The following GTF2H3 variants were observed in gnomAD, a reference collection of about 807,000 sequenced individuals.
GTF2H3 encodes the protein general transcription factor IIH subunit 3.
GTF2H3 carries 42 observed loss-of-function variants against 51.1 expected under a neutral mutation model. That is an observed-to-expected ratio of 0.82 (90% confidence interval 0.64 to 1.06). The LOEUF is 1.06. Ranked by LOEUF, GTF2H3 falls within the 50% of genes least tolerant of loss-of-function variation. GTF2H3 has a pLI of 0.00. For synonymous variants in GTF2H3, 123 were observed against 123.8 expected, an observed-to-expected ratio of 0.99 and a Z score of 0.04; for missense variants, 326 against 366.1, an observed-to-expected ratio of 0.89 and a Z score of 0.89.
intron 7 of GTF2H3, 35 bp from the exon 8 acceptor site, chr12:123,654,889 T>A: frequency 6.8e-7 from 1 of 1,461,360 alleles, no homozygotes; most frequent in Non-Finnish European, 9.6e-7. Flanking sequence ...GACTGGCATG[T>A]GCCTGGGTGG....
intron 7 of GTF2H3, among the ~76,000 whole-genome samples, chr12:123,654,622 G>A (rs1042015529): frequency 6.6e-6 from 1 of 151,736 alleles, no homozygotes; most frequent in African/African-American, 2.4e-5. Context: ...GGGGGCGTGT[G>A]TGTATTTTGG....
chr12:123,648,409 G>T, intron 4 of GTF2H3: 1 of 217,130 alleles, frequency 4.6e-6, no homozygotes, highest in Non-Finnish European at 8.9e-6. Context: ...CTCTATTTCT[G>T]GCTTTTCCTT....
Position 123,645,530 on chromosome 12 carries a change from C to A in GTF2H3, c.169C>A (p.Leu57Ile). 1 of 1,603,814 alleles carries A rather than the reference C, an allele frequency of 6.2e-7. No individual in the cohort carries two copies. The highest frequency in any genetic ancestry group is 8.5e-7 in the Non-Finnish European group (1 of 1,170,754). Residue 57 changes from leucine to isoleucine, a missense_variant, in exon 3 of 13, where the codon CTT (leucine) becomes ATT (isoleucine). Physicochemically the swap from Leu to Ile is conservative, Grantham distance 5. Coordinates refer to ENST00000543341, the MANE Select transcript of GTF2H3 (RefSeq NM_001516.5). Reference protein sequence around the residue: ...SHLFMNRSNKLAVIASHIQES... With the variant: ...SHLFMNRSNKIAVIASHIQES... ...TTTATTCATGAATCGTTCCAACAAA[C>A]TTGCTGTGATAGCAAGTCACATTCA...
rs779407881 is a variant in GTF2H3 at position 123,639,305 on chromosome 12, C to G, written c.55C>G (p.Pro19Ala). Residue 19 changes from proline (P) to alanine (A), a missense_variant, in exon 2 of 13, where the codon CCA becomes GCA. Transcript: ENST00000543341. Reference protein sequence around the residue: ...NLLVIVVDANPIWWGKQALKE... With the variant: ...NLLVIVVDANAIWWGKQALKE... ...TCTGGTTATTGTAGTTGATGCCAAC[C>G]CAATTTGGTGGGGAAAGCAAGCATT... 10 of 1,588,942 alleles carry G rather than the reference C, an allele frequency of 6.3e-6. No individual in the cohort carries two copies. Among genetic ancestry groups the G allele is most frequent in the Non-Finnish European group, 8.6e-6 (10 of 1,157,490 alleles).
chr12:123,654,854 A>G (rs1035490197), intron 7 of GTF2H3, 70 bp from the exon 8 acceptor site: 2 of 1,005,688 alleles, frequency 2.0e-6, no homozygotes, highest in Non-Finnish European at 3.2e-6. Context: ...GGTTCGCAGT[A>G]TATTGTGTGA....
rs1272065231 is a variant in GTF2H3 at position 123,662,173 on chromosome 12, C to A, written c.*1938C>A. 3.4e-5 allele frequency: 5 copies of A among 147,626 alleles called. No individual in the cohort carries two copies. The highest frequency in any genetic ancestry group is 2.7e-4 in the Admixed American group (4 of 14,800). The allele number at this position is 147,626 out of a possible 1,614,324, so 9.1% of individuals were successfully genotyped here. On this transcript the variant is annotated 3_prime_UTR_variant, in exon 13 of 13. Coordinates refer to ENST00000543341, the MANE Select transcript of GTF2H3 (RefSeq NM_001516.5). ...AAAAAAAAAGTCTGTACTGATAAAA[C>A]CCATTGTGTACAAAACTTTGTATGT...
intron 1 of GTF2H3, among the ~76,000 whole-genome samples, chr12:123,634,955 G>T (rs1390036627): frequency 6.6e-6 from 1 of 152,210 alleles, no homozygotes; most frequent in Non-Finnish European, 1.5e-5. Flanking sequence ...TGTGGCTGTT[G>T]TGTGGAAAAT....
chr12:123,655,919 G>A (rs1294460789), intron 9 of GTF2H3, 95 bp downstream of exon 9: 4 of 767,634 alleles, frequency 5.2e-6, no homozygotes, highest in South Asian at 1.7e-5. Context: ...GGTATATTGG[G>A]TTAAATAAAA....
chr12:123,654,506 ATGGGTGTATTT>A (rs918918596), intron 7 of GTF2H3, among the ~76,000 whole-genome samples: 13 of 140,088 alleles, frequency 9.3e-5, no homozygotes, highest in South Asian at 2.3e-4. Context: ...TATTTGGGGT[ATGGGTGTATTT>A]TGGGTGTGTA....
chr12:123,649,398 A>G (rs984301002), intron 4 of GTF2H3: 2 of 152,202 alleles, frequency 1.3e-5, no homozygotes, highest in African/African-American at 4.8e-5. Flanking sequence ...GCCATTAGAC[A>G]CCATAATATC....
chr12:123,651,882 C>G (rs1020742329), intron 5 of GTF2H3, among the ~76,000 whole-genome samples: 2 of 151,454 alleles, frequency 1.3e-5, no homozygotes, highest in Non-Finnish European at 2.9e-5. Flanking sequence ...AGTGAGAAAA[C>G]TCTAGCTTCT....
intron 1 of GTF2H3, among the ~76,000 whole-genome samples, chr12:123,636,723 G>T (rs1393588199): frequency 2.0e-5 from 3 of 152,206 alleles, no homozygotes. Flanking sequence ...TTCGAGACCA[G>T]CCTAACCAAC....
chr12:123,642,650 A>G (rs1241819781), intron 2 of GTF2H3, among the ~76,000 whole-genome samples: 6 of 152,218 alleles, frequency 3.9e-5, no homozygotes, highest in African/African-American at 1.4e-4. Context: ...CCAGTAAAAT[A>G]TAGAGGCTTT....
chr12:123,633,874 T>TG lies in GTF2H3; in HGVS notation c.13+3dup. The TG allele has an allele frequency of 1.2e-6, 2 of 1,613,350 alleles. No individual in the cohort carries two copies. Among genetic ancestry groups the TG allele is most frequent in the Non-Finnish European group, 1.7e-6 (2 of 1,179,972 alleles). ...CTGGGACAGCCATGGTTTCAGACGG[T>TG]GAGGACCCTGCAGGGCGGGACTTCG... On this transcript the variant is annotated splice_region_variant and intron_variant, in intron 1 of 12. Coordinates refer to ENST00000543341, the MANE Select transcript of GTF2H3 (RefSeq NM_001516.5).
chr12:123,656,334 T>TA (rs1391871674), intron 9 of GTF2H3, among the ~76,000 whole-genome samples: 1 of 152,236 alleles, frequency 6.6e-6, no homozygotes, highest in Non-Finnish European at 1.5e-5. Context: ...AAACCATACT[T>TA]ACACATTATG....
chr12:123,658,999 A>G (rs7303409), intron 9 of GTF2H3, among the ~76,000 whole-genome samples: 10,694 of 152,270 alleles, frequency 0.07, 516 homozygotes, highest in African/African-American at 0.13. Context: ...CAAAACCACA[A>G]TGAGCTATTA....
intron 1 of GTF2H3, among the ~76,000 whole-genome samples, chr12:123,634,703 C>T (rs886786033): frequency 6.6e-6 from 1 of 152,082 alleles, no homozygotes; most frequent in South Asian, 2.1e-4. Context: ...GGAGAGCTTG[C>T]GGGTAGAGGA....
At chr12:123,655,174 A>G (rs1955571597) in intron 8 of GTF2H3, among the ~76,000 whole-genome samples, 176 bp downstream of exon 8, 1 of 152,148 alleles carries the variant, frequency 6.6e-6, no homozygotes, top group African/African-American at 2.4e-5. Context: ...ACCACTTGAG[A>G]ATCTGATGCA....
In GTF2H3 at chr12:123,639,247, CTTG is replaced by C; in HGVS notation, c.14-14_14-12del. 1 of 1,251,496 alleles carries C rather than the reference CTTG, an allele frequency of 8.0e-7. No homozygotes were observed. Among genetic ancestry groups the C allele is most frequent in the Non-Finnish European group, 1.2e-6 (1 of 859,684 alleles). 77.5% of individuals were successfully genotyped at this position (1,251,496 alleles called of 1,614,324 possible). Reference sequence around the variant, plus strand: ...GGAGCTAATGTTTTAAATTTTATTTCTTGTTAATATTTTCAGAAGATGAATTGA... The same window carrying C: ...GGAGCTAATGTTTTAAATTTTATTTCTTAATATTTTCAGAAGATGAATTGA... On this transcript the variant is annotated splice_polypyrimidine_tract_variant and intron_variant, in intron 1 of 12. Coordinates refer to ENST00000543341, the MANE Select transcript of GTF2H3 (RefSeq NM_001516.5).
Sources: allele counts gnomAD v4.1 joint callset (sites outside exome capture counted in the v4.1 genomes callset), GRCh38; gene constraint gnomAD v4.1.1; transcripts MANE v1.5; gene names NCBI Gene and HGNC (gene_info 2026-07-23, HGNC 2026-07-21).